Variants in SCYL3 observed in about 807,000 individuals in gnomAD.
SCYL3 encodes protein-associating with the carboxyl-terminal domain of ezrin.
SCYL3 carries 35 observed loss-of-function variants against 73.8 expected under a neutral mutation model. The observed-to-expected ratio is 0.47, with a 90% CI of 0.36 to 0.63. The LOEUF (loss-of-function observed/expected upper bound fraction) is 0.63, where lower values mean the gene tolerates loss of function less well. Ranked by LOEUF, SCYL3 falls within the 20% of genes least tolerant of loss-of-function variation. The probability of loss-of-function intolerance (pLI) is 0.00; values close to 1 mark genes in which losing one functional copy is unlikely to be tolerated. For synonymous variants in SCYL3, 277 were observed against 295.2 expected, an observed-to-expected ratio of 0.94 and a Z score of 0.63; for missense variants, 712 against 798.9, an observed-to-expected ratio of 0.89 and a Z score of 1.31.
intron 8 of SCYL3, among the ~76,000 whole-genome samples, chr1:169,864,803 T>A (rs1054402363): frequency 6.6e-6 from 1 of 151,700 alleles, no homozygotes; most frequent in African/African-American, 2.4e-5. Flanking sequence ...CTACTAAAAG[T>A]ACAAAAATTA....
Position 169,878,820 on chromosome 1 carries a change from CT to C in SCYL3, c.166-2del. 1 of 1,604,962 alleles carries C rather than the reference CT, an allele frequency of 6.2e-7. No individual in the cohort carries two copies. The highest frequency in any genetic ancestry group is 8.5e-7 in the Non-Finnish European group (1 of 1,176,568). The stretch of plus-strand genomic sequence containing the variant: ...AAGGGTGACGAAGTGTCTTCAAATG[CT>C]TTAAAAATACAAACCGAAGAGCTGA... On this transcript the variant is annotated splice_acceptor_variant, in intron 2 of 12. Transcript: ENST00000367771. LOFTEE classifies it high-confidence loss of function.
intron 2 of SCYL3, among the ~76,000 whole-genome samples, chr1:169,882,684 T>C (rs1036186776): frequency 4.6e-5 from 7 of 152,188 alleles, no homozygotes; most frequent in Non-Finnish European, 1.0e-4. Context: ...ATCAGCGCCC[T>C]GTGTCTAGCT....
At position 169,850,342 on chromosome 1, in the gene SCYL3, G is replaced by T; in HGVS notation, c.*3371C>A. 6.3e-7 allele frequency: 1 copy of T among 1,599,320 alleles called. No homozygotes were observed. The highest frequency in any genetic ancestry group is 1.3e-5 in the African/African-American group (1 of 74,600). On this transcript the variant is annotated 3_prime_UTR_variant, in exon 13 of 13. Transcript: ENST00000367771. ...AGAACAAAGTTGTATCCTTTCTGGA[G>T]AAGGTACTTTCTTTACATGGCTCAT...
chr1:169,886,241 G>A (rs1047970951), intron 2 of SCYL3, among the ~76,000 whole-genome samples: 1 of 152,046 alleles, frequency 6.6e-6, no homozygotes, highest in African/African-American at 2.4e-5. Flanking sequence ...AACCCGGGAG[G>A]CAGAGGTTGC....
intron 11 of SCYL3, among the ~76,000 whole-genome samples, chr1:169,858,406 T>C (rs1352190219): frequency 6.6e-6 from 1 of 152,232 alleles, no homozygotes; most frequent in Non-Finnish European, 1.5e-5. Context: ...TGCAGGGAGC[T>C]GTCATGTCCT....
chr1:169,867,020 G>A, intron 7 of SCYL3, 47 bp from the exon 8 acceptor site: 1 of 1,045,636 alleles, frequency 9.6e-7, no homozygotes, highest in Non-Finnish European at 1.5e-6. Flanking sequence ...ATTAGAGAAT[G>A]TTAAATATTG....
chr1:169,866,461 CA>C (rs1178640280), intron 8 of SCYL3, among the ~76,000 whole-genome samples: 1 of 152,226 alleles, frequency 6.6e-6, no homozygotes, highest in Non-Finnish European at 1.5e-5. Flanking sequence ...ATAACATCAG[CA>C]CTCCTCACTG....
In SCYL3 at chr1:169,862,243, A is replaced by G. The variant is rs539477637; in HGVS notation, c.1140+370T>C. ...ATAATAAGGTTCCCTAGTGGCTGAT[A>G]ACAACAGGCTGAAAGCCACTGATAA... is the stretch of plus-strand genomic sequence containing the variant. On this transcript the variant is annotated intron_variant, in intron 10 of 12. Transcript: ENST00000367771. 1.1e-4 allele frequency among the ~76,000 whole-genome samples: 16 copies of G among 152,366 alleles called. No individual in the cohort carries two copies. In the East Asian group the frequency reaches 1.5e-3, roughly 15 times the overall value.
chr1:169,878,936 C>T, intron 2 of SCYL3, 117 bp from the exon 3 acceptor site: 1 of 793,768 alleles, frequency 1.3e-6, no homozygotes. Flanking sequence ...CTTTTGAGCT[C>T]CCTACCTTCC....
chr1:169,873,861 C>T (rs1042874716), intron 4 of SCYL3, 109 bp from the exon 5 acceptor site: 20 of 702,960 alleles, frequency 2.8e-5, no homozygotes, highest in Middle Eastern at 5.1e-4. Context: ...ACCAATTAAA[C>T]CTTCAAATCA....
In SCYL3 at chr1:169,866,813, C is replaced by A. The variant is rs192602423; in HGVS notation, c.815+83G>T. ...AATGTGAAATAAACCAAATATATGA[C>A]TCATCTTCTCTAGAATACCTAAAGT... On this transcript the variant is annotated intron_variant, in intron 8 of 12. Transcript: ENST00000367771. 3,285 of 779,856 alleles carry A rather than the reference C, an allele frequency of 4.2e-3. 15 individuals are homozygous for A. Among genetic ancestry groups the A allele is most frequent in the Middle Eastern group, 0.025 (69 of 2,790 alleles). The allele number at this position is 779,856 out of a possible 1,614,324, so 48.3% of individuals were successfully genotyped here. A position where few individuals can be genotyped will look rare whatever the true frequency, so the allele number is the denominator to read the frequency against.
intron 11 of SCYL3, chr1:169,856,050 G>T: frequency 9.0e-7 from 1 of 1,113,638 alleles, no homozygotes; most frequent in Non-Finnish European, 1.3e-6. Flanking sequence ...AGTGAAATGG[G>T]TATATTTTTA....
chr1:169,890,657 T>G (rs147567896), intron 1 of SCYL3, among the ~76,000 whole-genome samples: 71 of 152,348 alleles, frequency 4.7e-4, no homozygotes, highest in African/African-American at 3.8e-4. Flanking sequence ...GCTAAAGCTA[T>G]CTAAAATTGA....
intron 1 of SCYL3, among the ~76,000 whole-genome samples, 161 bp from the exon 2 acceptor site, chr1:169,889,051 G>A (rs11577641): frequency 0.11 from 17,169 of 152,138 alleles, 1,127 homozygotes; most frequent in Admixed American, 0.19. Flanking sequence ...TACCAGCAAT[G>A]GTTGTTAATT....
chr1:169,855,712 C>G (rs1326143311), intron 11 of SCYL3: 1 of 1,307,626 alleles, frequency 7.6e-7, no homozygotes, highest in Non-Finnish European at 1.0e-6. Flanking sequence ...AGTCTCAAAA[C>G]TCCCAAAACA....
intron 7 of SCYL3, 62 bp from the exon 8 acceptor site, chr1:169,867,035 C>A: frequency 2.2e-6 from 2 of 889,714 alleles, no homozygotes; most frequent in South Asian, 1.5e-5. Context: ...ATATTGAGGT[C>A]ATAATCACAG....
chr1:169,865,026 C>G (rs1659939790), intron 8 of SCYL3, among the ~76,000 whole-genome samples: 1 of 151,410 alleles, frequency 6.6e-6, no homozygotes, highest in Non-Finnish European at 1.5e-5. Context: ...CAGCACACCT[C>G]CAATTCACAC....
Position 169,854,837 on chromosome 1 carries a change from T to C in SCYL3, c.1440A>G (p.Glu480=). ...KKSEEWPDWS[E]PEEPENQTVN... is the part of the protein sequence containing the mutation. ...CAGTTTGATTTTCAGGCTCCTCAGG[T>C]TCACTCCAGTCAGGCCACTCCTCAG... The change falls in exon 12 of 13, where the codon GAA becomes GAG. Residue 480 remains glutamate, a synonymous_variant. Transcript: ENST00000367771. 6.2e-7 allele frequency: 1 copy of C among 1,614,046 alleles called. No individual in the cohort carries two copies. Among genetic ancestry groups the C allele is most frequent in the Non-Finnish European group, 8.5e-7 (1 of 1,179,936 alleles).
chr1:169,878,613 C>A (rs1192361362), intron 3 of SCYL3, 21 bp downstream of exon 3: 2 of 1,571,012 alleles, frequency 1.3e-6, no homozygotes, highest in Non-Finnish European at 1.7e-6. Context: ...GTCTGTGATG[C>A]AGACTATACA....
Sources: gnomAD v4.1 joint callset for allele counts (sites outside exome capture counted in the v4.1 genomes callset) on GRCh38, gnomAD v4.1.1 for gene constraint, MANE v1.5 for transcripts, NCBI Gene and HGNC (gene_info 2026-07-23, HGNC 2026-07-21) for gene names.